The following DHRS7B variants were observed in gnomAD, a reference collection of about 807,000 sequenced individuals.
DHRS7B encodes peroxisomal reductase activating PPAR-gamma.
DHRS7B carries 24 observed loss-of-function variants against 26.4 expected under a neutral mutation model. The observed-to-expected ratio is 0.91, with a 90% CI of 0.66 to 1.28. The LOEUF (loss-of-function observed/expected upper bound fraction) is 1.28, where lower values mean the gene tolerates loss of function less well. Ranked by LOEUF, DHRS7B falls within the 50% of genes most tolerant of loss-of-function variation. DHRS7B has a pLI of 0.00. For synonymous variants in DHRS7B, 142 were observed against 166.4 expected (o/e 0.85, Z 1.13); for missense variants, 368 against 419.4 (o/e 0.88, Z 1.07).
chr17:21,179,587 G>A (rs956843224), intron 3 of DHRS7B, among the ~76,000 whole-genome samples: 3 of 151,966 alleles, frequency 2.0e-5, no homozygotes, highest in African/African-American at 7.3e-5. Context: ...GTGACAGAGC[G>A]AGACTCTGTC....
At chr17:21,179,009 G>A (rs1974453357) in intron 3 of DHRS7B, among the ~76,000 whole-genome samples, 1 of 152,186 alleles carries the variant, frequency 6.6e-6, no homozygotes, top group Non-Finnish European at 1.5e-5. Context: ...CAGTGGCACA[G>A]TCATAGCTCA....
At chr17:21,161,544 T>C (rs776302341) in intron 1 of DHRS7B, among the ~76,000 whole-genome samples, 9 of 152,190 alleles carry the variant, frequency 5.9e-5, no homozygotes, top group Non-Finnish European at 1.2e-4. Flanking sequence ...AATGCTGTAT[T>C]AAAGGAAGTC....
intron 2 of DHRS7B, 36 bp from the exon 3 acceptor site, chr17:21,178,197 A>G: frequency 6.3e-7 from 1 of 1,595,092 alleles, no homozygotes. Context: ...GGCACTGAGG[A>G]AGAATGGCTG....
rs541230782 is a variant in DHRS7B, at chr17:21,177,735, C to A, written c.200-498C>A. On this transcript the variant is annotated intron_variant, in intron 2 of 6. Coordinates refer to ENST00000395511, the MANE Select transcript of DHRS7B (RefSeq NM_015510.5). ...GCCTCAAGCACTCCCTGGGAAACAG[C>A]CCATCAGATCTGGGAAGGGCCTCGG... Among the ~76,000 whole-genome samples the A allele has an allele frequency of 1.1e-4, 16 of 152,336 alleles. 1 individual carries two copies. The South Asian group carries it at 3.3e-3, about 32-fold the overall frequency.
chr17:21,156,301 G>T (rs1050879851), intron 1 of DHRS7B, among the ~76,000 whole-genome samples: 1 of 152,138 alleles, frequency 6.6e-6, no homozygotes, highest in Non-Finnish European at 1.5e-5. Flanking sequence ...AGAGCCCATG[G>T]ACATCAAAAG....
chr17:21,133,938 TTCTG>T (rs1367652108), intron 1 of DHRS7B, among the ~76,000 whole-genome samples: 9 of 152,184 alleles, frequency 5.9e-5, no homozygotes, highest in Admixed American at 2.0e-4. Context: ...TATTATTTTC[TTCTG>T]AAGTGTAAGT....
intron 1 of DHRS7B, among the ~76,000 whole-genome samples, chr17:21,132,336 T>TAAAA (rs56350315): frequency 1.6e-4 from 22 of 133,888 alleles, no homozygotes; most frequent in African/African-American, 4.4e-4. Context: ...CCCCATCTCT[T>TAAAA]AAAAAAAAAA....
At chr17:21,140,022 C>CTATTTTTT (rs1973456322) in intron 1 of DHRS7B, among the ~76,000 whole-genome samples, 1 of 106,700 alleles carries the variant, frequency 9.4e-6, no homozygotes, top group African/African-American at 3.7e-5. Flanking sequence ...CTTTCAGATT[C>CTATTTTTT]TTTTTTTTTT....
At chr17:21,184,243 T>G in intron 4 of DHRS7B, 128 bp from the exon 5 acceptor site, 1 of 784,618 alleles carries the variant, frequency 1.3e-6, no homozygotes, top group Non-Finnish European at 2.0e-6. Context: ...CATAGTCCTC[T>G]ACCCTAAGGG....
At chr17:21,131,587 C>T (rs1331536798) in intron 1 of DHRS7B, among the ~76,000 whole-genome samples, 4 of 152,210 alleles carry the variant, frequency 2.6e-5, no homozygotes, top group African/African-American at 9.6e-5. Context: ...TCTTATGTGA[C>T]CTCCTATCTC....
At chr17:21,160,137 C>T (rs962703881) in intron 1 of DHRS7B, among the ~76,000 whole-genome samples, 6 of 152,002 alleles carry the variant, frequency 3.9e-5, no homozygotes, top group African/African-American at 1.4e-4. Context: ...GGGTAGATCA[C>T]AATGTCATGA....
At chr17:21,158,646 T>A (rs1973930188) in intron 1 of DHRS7B, among the ~76,000 whole-genome samples, 1 of 152,166 alleles carries the variant, frequency 6.6e-6, no homozygotes, top group Non-Finnish European at 1.5e-5. Context: ...GTCAATGCAA[T>A]CCCAATCCAA....
intron 1 of DHRS7B, among the ~76,000 whole-genome samples, chr17:21,152,748 A>G (rs890226514): frequency 6.6e-6 from 1 of 152,178 alleles, no homozygotes; most frequent in African/African-American, 2.4e-5. Flanking sequence ...GTAATACTCA[A>G]CCTCAGCTCA....
At position 21,163,323 on chromosome 17, in the gene DHRS7B, G is replaced by A. The variant is rs1974041890; in HGVS notation, c.21-8695G>A. ...ACATTTACTTCTGGAGTTTTTTTCA[G>A]TTCTGTGTATTTTACTTCTTGAGTC... On this transcript the variant is annotated intron_variant, in intron 1 of 6. Coordinates refer to ENST00000395511, the MANE Select transcript of DHRS7B (RefSeq NM_015510.5). 2.6e-5 allele frequency among the ~76,000 whole-genome samples: 4 copies of A among 152,038 alleles called. No homozygotes were observed. In the South Asian group the frequency reaches 8.3e-4, roughly 31 times the overall value.
rs1215936589 is a variant in DHRS7B at position 21,141,640 on chromosome 17, AC to A, written c.20+14650del. Reference sequence around the variant, plus strand: ...AAAGCAAAAAAAAAAAAAAAAAAAAACAACCTCATCTCAAACTCCACAAAGG... The same window carrying A: ...AAAGCAAAAAAAAAAAAAAAAAAAAAAACCTCATCTCAAACTCCACAAAGG... On this transcript the variant is annotated intron_variant, in intron 1 of 6. Transcript: ENST00000395511. Among the ~76,000 whole-genome samples, 696 of 90,032 alleles carry A rather than the reference AC, an allele frequency of 7.7e-3. 16 individuals carry two copies. Among genetic ancestry groups the A allele is most frequent in the African/African-American group, 0.028 (665 of 23,376 alleles). The allele number at this position is 90,032 out of a possible 152,430, so 59.1% of individuals were successfully genotyped here.
At chr17:21,156,796 C>T (rs935706865) in intron 1 of DHRS7B, among the ~76,000 whole-genome samples, 8 of 151,598 alleles carry the variant, frequency 5.3e-5, no homozygotes, top group African/African-American at 1.9e-4. Flanking sequence ...ACCTGTCATC[C>T]CAGCTATTCG....
chr17:21,141,060 G>A (rs1973496458), intron 1 of DHRS7B, among the ~76,000 whole-genome samples: 2 of 152,080 alleles, frequency 1.3e-5, no homozygotes, highest in African/African-American at 4.8e-5. Flanking sequence ...TGACCTCAGA[G>A]AGGGCTCAGA....
chr17:21,156,828 G>A (rs544701043), intron 1 of DHRS7B, among the ~76,000 whole-genome samples: 36 of 151,418 alleles, frequency 2.4e-4, no homozygotes, highest in Non-Finnish European at 3.5e-4. Context: ...CAGGAGAATC[G>A]CTTGAACCTG....
rs1464484943 is a variant in DHRS7B, at chr17:21,157,458, G to A, written c.21-14560G>A. On this transcript the variant is annotated intron_variant, in intron 1 of 6. Transcript: ENST00000395511. ...TGCTTGTAATCCCAGCACGTTGGGA[G>A]GGCTGAGGTGAGAGAATTGCGTGAG... Among the ~76,000 whole-genome samples the A allele has an allele frequency of 3.9e-5, 6 of 152,254 alleles. No homozygotes were observed. In the East Asian group the frequency reaches 1.2e-3, roughly 29 times the overall value.
Sources: gnomAD v4.1 joint callset for allele counts (sites outside exome capture counted in the v4.1 genomes callset) on GRCh38, gnomAD v4.1.1 for gene constraint, MANE v1.5 for transcripts, NCBI Gene and HGNC (gene_info 2026-07-23, HGNC 2026-07-21) for gene names.